The following CALN1 variants were observed in gnomAD, a reference collection of about 807,000 sequenced individuals.
The protein encoded by CALN1 is calcium-binding protein 8.
A neutral mutation model predicts 30.6 loss-of-function variants in CALN1; 17 were observed. The ratio of observed to expected loss-of-function variants is 0.56; its 90% CI spans 0.38 to 0.83. CALN1 has a LOEUF of 0.83. Among genes scored for constraint, CALN1 ranks in the 40% least tolerant of loss-of-function variants. The pLI, the probability that CALN1 is intolerant of heterozygous loss-of-function variation, is 0.00. For synonymous variants in CALN1, 156 were observed against 131.4 expected (o/e 1.19, Z -1.28); for missense variants, 291 against 354.9 (o/e 0.82, Z 1.45).
intron 4 of CALN1, among the ~76,000 whole-genome samples, chr7:72,039,191 T>C (rs1472669987): frequency 6.6e-6 from 1 of 152,164 alleles, no homozygotes; most frequent in Non-Finnish European, 1.5e-5. Context: ...AATTAAACAG[T>C]GAATTCAGTT....
intron 3 of CALN1, among the ~76,000 whole-genome samples, chr7:72,167,903 C>G (rs1272644753): frequency 6.6e-6 from 1 of 152,120 alleles, no homozygotes; most frequent in Admixed American, 6.6e-5. Flanking sequence ...ATCCCAAGCT[C>G]CAAAGACTTG....
chr7:72,323,396 G>A (rs966894813), intron 2 of CALN1, among the ~76,000 whole-genome samples: 1 of 152,196 alleles, frequency 6.6e-6, no homozygotes, highest in African/African-American at 2.4e-5. Context: ...CCCTATAGCA[G>A]TGGTGGCTGC....
chr7:72,084,603 C>T (rs192520569), intron 4 of CALN1, among the ~76,000 whole-genome samples: 24 of 152,124 alleles, frequency 1.6e-4, no homozygotes, highest in African/African-American at 5.1e-4. Flanking sequence ...TCATGTGATC[C>T]ACCCGCCTCG....
chr7:71,812,920 C>CATT (rs773115023), intron 5 of CALN1, among the ~76,000 whole-genome samples: 11 of 97,908 alleles, frequency 1.1e-4, no homozygotes, highest in African/African-American at 3.6e-4. Context: ...TTTTATTTAT[C>CATT]ATCATCATCA....
At chr7:71,861,280 GC>G (rs938134170) in intron 5 of CALN1, among the ~76,000 whole-genome samples, 1 of 151,940 alleles carries the variant, frequency 6.6e-6, no homozygotes, top group African/African-American at 2.4e-5. Flanking sequence ...AACTGAGTGT[GC>G]AAAAAAGAGA....
At chr7:71,911,537 T>G (rs1794425145) in intron 5 of CALN1, among the ~76,000 whole-genome samples, 1 of 152,192 alleles carries the variant, frequency 6.6e-6, no homozygotes, top group Non-Finnish European at 1.5e-5. Context: ...TGTGATGTAC[T>G]AATATCAATA....
rs566113187 is a variant in CALN1 at position 71,933,386 on chromosome 7, G to A, written c.501+90271C>T. 5.9e-5 allele frequency among the ~76,000 whole-genome samples: 9 copies of A among 152,216 alleles called. No homozygotes were observed. In the South Asian group the frequency reaches 1.0e-3, roughly 18 times the overall value. On this transcript the variant is annotated intron_variant, in intron 5 of 6. Coordinates refer to ENST00000395275, the MANE Select transcript of CALN1 (RefSeq NM_031468.4). Reference sequence around the variant, plus strand: ...ATAAAATCTGGTGAACGCCGCCGCCGGCTGGTCTTTCCTTTCGGAAGCCCC... The same window carrying A: ...ATAAAATCTGGTGAACGCCGCCGCCAGCTGGTCTTTCCTTTCGGAAGCCCC...
At chr7:71,884,722 G>A (rs930117305) in intron 5 of CALN1, among the ~76,000 whole-genome samples, 7 of 152,058 alleles carry the variant, frequency 4.6e-5, no homozygotes, top group African/African-American at 9.7e-5. Context: ...TTTCCAACCC[G>A]ACTCTGGCAT....
At chr7:72,430,978 T>C (rs1344080326) in intron 1 of CALN1, among the ~76,000 whole-genome samples, 1 of 150,492 alleles carries the variant, frequency 6.6e-6, no homozygotes. Context: ...TTTTTTTTTT[T>C]TTTTTTTGAG....
the CALN1 span, among the ~76,000 whole-genome samples, chr7:72,469,720 T>G: frequency 2.6e-5 from 4 of 152,306 alleles, no homozygotes; most frequent in Middle Eastern, 6.8e-3. Flanking sequence ...GAACTCTCAA[T>G]TCTATCCCAT....
At chr7:71,817,876 C>CT (rs879296240) in intron 5 of CALN1, among the ~76,000 whole-genome samples, 163 of 146,156 alleles carry the variant, frequency 1.1e-3, no homozygotes, top group South Asian at 2.0e-3. Flanking sequence ...TATAAACTTA[C>CT]TTTTTTTTTT....
At chr7:72,099,632 T>C (rs1806501202) in intron 4 of CALN1, among the ~76,000 whole-genome samples, 1 of 152,116 alleles carries the variant, frequency 6.6e-6, no homozygotes, top group Admixed American at 6.6e-5. Flanking sequence ...GCATTTTTCA[T>C]TTAGCTCTTT....
intron 2 of CALN1, among the ~76,000 whole-genome samples, chr7:72,364,365 T>C (rs572703399): frequency 6.6e-6 from 1 of 152,340 alleles, no homozygotes; most frequent in Non-Finnish European, 1.5e-5. Context: ...TGAGCTTAAA[T>C]ACATCATATA....
intron 4 of CALN1, among the ~76,000 whole-genome samples, chr7:72,025,618 T>G (rs1801005450): frequency 6.6e-6 from 1 of 152,124 alleles, no homozygotes; most frequent in East Asian, 1.9e-4. Context: ...TTCAAGGCAT[T>G]GTTGGGTCCT....
chr7:72,180,883 A>G (rs1269621101), intron 3 of CALN1, among the ~76,000 whole-genome samples: 1 of 152,042 alleles, frequency 6.6e-6, no homozygotes, highest in Non-Finnish European at 1.5e-5. Context: ...GGATCACCTG[A>G]GATCAGGCAC....
chr7:72,482,066 T>G, the CALN1 span, among the ~76,000 whole-genome samples: 22 of 152,232 alleles, frequency 1.4e-4, no homozygotes, highest in Non-Finnish European at 3.1e-4. Flanking sequence ...TTCGAAGCTC[T>G]GTTATTAGGA....
intron 3 of CALN1, among the ~76,000 whole-genome samples, chr7:72,180,541 T>A (rs1336620294): frequency 1.1e-4 from 17 of 151,248 alleles, no homozygotes; most frequent in South Asian, 2.1e-4. Context: ...TTTTTTTTTT[T>A]AATCAACTTG....
chr7:71,991,877 A>G (rs1300278063), intron 5 of CALN1, among the ~76,000 whole-genome samples: 6 of 151,988 alleles, frequency 3.9e-5, no homozygotes, highest in Non-Finnish European at 7.3e-5. Flanking sequence ...AGTTGTAAAA[A>G]TAAGTAATTC....
chr7:72,375,685 T>C (rs1292519915), intron 2 of CALN1, among the ~76,000 whole-genome samples: 1 of 152,174 alleles, frequency 6.6e-6, no homozygotes, highest in Non-Finnish European at 1.5e-5. Context: ...TCTTGCTATA[T>C]TGCCCAGGCT....
Sources: allele counts gnomAD v4.1 joint callset (sites outside exome capture counted in the v4.1 genomes callset), GRCh38; gene constraint gnomAD v4.1.1; transcripts MANE v1.5; gene names NCBI Gene and HGNC (gene_info 2026-07-23, HGNC 2026-07-21).